EPHA3: variants seen among roughly 807,000 people sequenced by gnomAD.
EPHA3 encodes the protein EPH receptor A3.
EPHA3 carries 42 observed loss-of-function variants against 107.1 expected under a neutral mutation model. The ratio of observed to expected loss-of-function variants is 0.39; its 90% CI spans 0.31 to 0.51. EPHA3 has a LOEUF of 0.51. Among genes scored for constraint, EPHA3 ranks in the 20% least tolerant of loss-of-function variants. The pLI is 0.78. For synonymous variants in EPHA3, 461 were observed against 424.8 expected, an observed-to-expected ratio of 1.09 and a Z score of -1.05; for missense variants, 1,183 against 1,211.2, an observed-to-expected ratio of 0.98 and a Z score of 0.35.
intron 2 of EPHA3, among the ~76,000 whole-genome samples, chr3:89,154,126 G>GC (rs113615125): frequency 0.01 from 1,541 of 151,758 alleles, 26 homozygotes; most frequent in African/African-American, 0.033. Flanking sequence ...TGCATTTACT[G>GC]TTTTTATTTT....
intron 5 of EPHA3, among the ~76,000 whole-genome samples, chr3:89,389,999 T>A (rs192213398): frequency 2.1e-3 from 317 of 152,204 alleles, no homozygotes; most frequent in Non-Finnish European, 3.2e-3. Context: ...TAACTTTTTT[T>A]AAATTTTTTT....
chr3:89,223,043 C>G (rs539802163), intron 3 of EPHA3, among the ~76,000 whole-genome samples: 17 of 152,152 alleles, frequency 1.1e-4, no homozygotes, highest in Admixed American at 8.5e-4. Flanking sequence ...TTAAAGCAAC[C>G]CTTTCATTAA....
At chr3:89,180,761 A>G (rs983731499) in intron 2 of EPHA3, among the ~76,000 whole-genome samples, 1 of 151,958 alleles carries the variant, frequency 6.6e-6, no homozygotes, top group African/African-American at 2.4e-5. Context: ...ACTTGTTTCC[A>G]TGAAACTCTG....
intron 15 of EPHA3, among the ~76,000 whole-genome samples, chr3:89,451,917 G>C (rs1272787341): frequency 6.6e-6 from 1 of 151,800 alleles, no homozygotes; most frequent in African/African-American, 2.4e-5. Context: ...TTGTGTGTGT[G>C]TGTGTTGGTG....
chr3:89,370,324 G>T (rs1708273249), intron 5 of EPHA3, among the ~76,000 whole-genome samples: 1 of 151,822 alleles, frequency 6.6e-6, no homozygotes, highest in African/African-American at 2.4e-5. Context: ...ATACTATGCA[G>T]CCATAAAAAA....
intron 15 of EPHA3, among the ~76,000 whole-genome samples, 170 bp downstream of exon 15, chr3:89,450,540 G>C (rs1435642395): frequency 6.6e-6 from 1 of 151,822 alleles, no homozygotes; most frequent in African/African-American, 2.4e-5. Flanking sequence ...ACTAATTCTC[G>C]TCCTCCTTAA....
At chr3:89,243,113 C>T (rs1223663072) in intron 3 of EPHA3, among the ~76,000 whole-genome samples, 3 of 151,980 alleles carry the variant, frequency 2.0e-5, no homozygotes, top group Non-Finnish European at 4.4e-5. Flanking sequence ...CATAGTATTC[C>T]ATGGTGTATA....
chr3:89,355,501 A>G (rs1018316908), intron 5 of EPHA3, among the ~76,000 whole-genome samples: 4 of 151,408 alleles, frequency 2.6e-5, no homozygotes, highest in Non-Finnish European at 5.9e-5. Context: ...AAATTCAGGT[A>G]CTGTCACTTA....
chr3:89,365,317 A>ACTTT (rs1708166239), intron 5 of EPHA3, among the ~76,000 whole-genome samples: 1 of 150,756 alleles, frequency 6.6e-6, no homozygotes, highest in Non-Finnish European at 1.5e-5. Context: ...GGGAAGACTG[A>ACTTT]AAGGGCAATG....
At chr3:89,350,443 C>G (rs550072420) in intron 5 of EPHA3, among the ~76,000 whole-genome samples, 2 of 151,670 alleles carry the variant, frequency 1.3e-5, no homozygotes, top group East Asian at 3.9e-4. Flanking sequence ...TCACGTAGTT[C>G]TCAAGCCTTG....
At chr3:89,452,764 C>T (rs1215328958) in intron 15 of EPHA3, among the ~76,000 whole-genome samples, 1 of 152,100 alleles carries the variant, frequency 6.6e-6, no homozygotes, top group African/African-American at 2.4e-5. Context: ...AAAATTGTTA[C>T]CAAGACCAGT....
chr3:89,461,256 T>G (rs1710234669), intron 15 of EPHA3, among the ~76,000 whole-genome samples: 2 of 110,684 alleles, frequency 1.8e-5, no homozygotes, highest in Non-Finnish European at 3.5e-5. Context: ...TTCCAAGTCT[T>G]TGCTATTGAG....
intron 3 of EPHA3, among the ~76,000 whole-genome samples, chr3:89,220,580 T>C (rs1173567709): frequency 2.0e-5 from 3 of 152,142 alleles, no homozygotes; most frequent in Non-Finnish European, 2.9e-5. Context: ...AAAAGAGATA[T>C]CAAATATAAA....
rs113288768 is a variant in EPHA3, at chr3:89,333,497, G to A, written c.815-7419G>A. On this transcript the variant is annotated intron_variant, in intron 3 of 16. Coordinates refer to ENST00000336596, the MANE Select transcript of EPHA3 (RefSeq NM_005233.6). ...TTAAAATAAGTTTTGGTGTTTGCTC[G>A]ATAATGCACAAGCATGCCGTCACTA... 4.7e-3 allele frequency among the ~76,000 whole-genome samples: 713 copies of A among 152,202 alleles called. 5 individuals are homozygous for A. The highest frequency in any genetic ancestry group is 0.016 in the African/African-American group (681 of 41,524).
At chr3:89,300,053 T>A (rs1296758226) in intron 3 of EPHA3, among the ~76,000 whole-genome samples, 1 of 152,054 alleles carries the variant, frequency 6.6e-6, no homozygotes, top group Non-Finnish European at 1.5e-5. Flanking sequence ...AAAATATTAA[T>A]GCTAGTACTT....
intron 13 of EPHA3, among the ~76,000 whole-genome samples, chr3:89,442,791 C>G (rs1421133701): frequency 6.6e-6 from 1 of 152,178 alleles, no homozygotes; most frequent in African/African-American, 2.4e-5. Context: ...GACTAGCCAT[C>G]TGTTATCAGG....
chr3:89,393,834 T>C (rs1380969204), intron 5 of EPHA3, among the ~76,000 whole-genome samples: 12 of 152,310 alleles, frequency 7.9e-5, no homozygotes, highest in Non-Finnish European at 1.6e-4. Context: ...GCAATACATT[T>C]ATAAATATAG....
intron 5 of EPHA3, among the ~76,000 whole-genome samples, chr3:89,368,182 G>A (rs1576339773): frequency 6.6e-6 from 1 of 150,380 alleles, no homozygotes; most frequent in Non-Finnish European, 1.5e-5. Context: ...TAGTTGTGGA[G>A]GTATGGGGTT....
At chr3:89,178,074 G>A (rs1705357606) in intron 2 of EPHA3, among the ~76,000 whole-genome samples, 1 of 151,888 alleles carries the variant, frequency 6.6e-6, no homozygotes, top group Admixed American at 6.6e-5. Context: ...TTTTATTTTG[G>A]GTTCTACCAC....
Sources: gnomAD v4.1 joint callset for allele counts (sites outside exome capture counted in the v4.1 genomes callset) on GRCh38, gnomAD v4.1.1 for gene constraint, MANE v1.5 for transcripts, NCBI Gene and HGNC (gene_info 2026-07-23, HGNC 2026-07-21) for gene names.